The following JKAMP variants were observed in gnomAD, a reference collection of about 807,000 sequenced individuals.
The protein encoded by JKAMP is JNK1/MAPK8 associated membrane protein, also known as JNK1/MAPK8-associated membrane protein.
JKAMP carries 20 observed loss-of-function variants against 40.2 expected under a neutral mutation model. The ratio of observed to expected loss-of-function variants is 0.50; its 90% confidence interval spans 0.35 to 0.72. JKAMP has a LOEUF of 0.72. Among genes scored for constraint, JKAMP ranks in the 30% least tolerant of loss-of-function variants. The pLI is 0.01. For missense variants in JKAMP, 276 were observed against 373.0 expected (o/e 0.74, Z 2.14); for synonymous variants, 138 against 131.6 (o/e 1.05, Z -0.33).
At chr14:59,503,186 G>A (rs550952927) in intron 6 of JKAMP, among the ~76,000 whole-genome samples, 2 of 152,220 alleles carry the variant, frequency 1.3e-5, no homozygotes, top group South Asian at 4.1e-4. Context: ...CAGAAATGGG[G>A]ACCTAAAACG....
chr14:59,498,068 A>G (rs1050402962), intron 4 of JKAMP, among the ~76,000 whole-genome samples: 4 of 152,242 alleles, frequency 2.6e-5, no homozygotes, highest in African/African-American at 9.6e-5. Flanking sequence ...TACATTAAAA[A>G]TGGGACATTC....
intron 4 of JKAMP, among the ~76,000 whole-genome samples, chr14:59,497,534 G>C (rs1891540366): frequency 6.6e-6 from 1 of 152,114 alleles, no homozygotes; most frequent in Non-Finnish European, 1.5e-5. Flanking sequence ...GAAATGGACA[G>C]ATTTTTTTTC....
chr14:59,505,358 C>T lies in JKAMP; in HGVS notation c.*1286C>T. 9.0e-7 allele frequency: 1 copy of T among 1,114,740 alleles called. No individual in the cohort carries two copies. Among genetic ancestry groups the T allele is most frequent in the East Asian group, 2.6e-5 (1 of 38,378 alleles). 69.1% of individuals were successfully genotyped at this position (1,114,740 alleles called of 1,614,324 possible). A position where few individuals can be genotyped will look rare whatever the true frequency, so the allele number is the denominator to read the frequency against. On this transcript the variant is annotated 3_prime_UTR_variant, in exon 7 of 7. Transcript: ENST00000616435. Reference sequence around the variant, plus strand: ...AAATATAAAAATTTTATTTGTATTGCACACATTTGGGGGGTTATTAGTGTT... The same window carrying T: ...AAATATAAAAATTTTATTTGTATTGTACACATTTGGGGGGTTATTAGTGTT...
intron 3 of JKAMP, among the ~76,000 whole-genome samples, chr14:59,494,439 G>GA (rs1048886247): frequency 6.6e-6 from 1 of 151,764 alleles, no homozygotes; most frequent in East Asian, 1.9e-4. Context: ...ATTTTGAGTA[G>GA]AAAAAAAATC....
In JKAMP at chr14:59,484,527, T is replaced by A; in HGVS notation, c.-63T>A. 13 of 1,553,424 alleles carry A rather than the reference T, an allele frequency of 8.4e-6. No homozygotes were observed. Among genetic ancestry groups the A allele is most frequent in the Non-Finnish European group, 1.1e-5 (13 of 1,147,042 alleles). ...GCCGCCGAGCTCGCTGTGGCCCGGATGTTCGGTGCAGCTGCCAGATCCGCT... is the reference window on the plus strand; with the variant it reads ...GCCGCCGAGCTCGCTGTGGCCCGGAAGTTCGGTGCAGCTGCCAGATCCGCT... On this transcript the variant is annotated 5_prime_UTR_variant, in exon 1 of 7. The change abolishes an upstream ATG in the 5' untranslated region. Coordinates refer to ENST00000616435, the MANE Select transcript of JKAMP (RefSeq NM_016475.5).
chr14:59,503,794 C>A, intron 6 of JKAMP, 60 bp from the exon 7 acceptor site: 1 of 977,044 alleles, frequency 1.0e-6, no homozygotes, highest in Non-Finnish European at 1.6e-6. Flanking sequence ...ATTAAATTAC[C>A]CAGCTGACTT....
chr14:59,488,324 CATA>C (rs1468366339), intron 3 of JKAMP, among the ~76,000 whole-genome samples: 1 of 152,012 alleles, frequency 6.6e-6, no homozygotes, highest in East Asian at 1.9e-4. Context: ...GGCTTATAGT[CATA>C]ATCTTGTGGA....
At chr14:59,492,258 A>G (rs1891074642) in intron 3 of JKAMP, among the ~76,000 whole-genome samples, 1 of 152,230 alleles carries the variant, frequency 6.6e-6, no homozygotes, top group African/African-American at 2.4e-5. Flanking sequence ...CAAAATAAAA[A>G]AAAAGGTAGT....
chr14:59,497,435 A>G (rs1891534981), intron 4 of JKAMP, among the ~76,000 whole-genome samples: 2 of 152,158 alleles, frequency 1.3e-5, no homozygotes, highest in Non-Finnish European at 2.9e-5. Flanking sequence ...TCCAGAAACT[A>G]GTTTCCTAGT....
chr14:59,497,397 G>C (rs1443049340), intron 4 of JKAMP, among the ~76,000 whole-genome samples: 1 of 152,160 alleles, frequency 6.6e-6, no homozygotes, highest in East Asian at 1.9e-4. Flanking sequence ...TCTTCTGGTG[G>C]AAGGCAGGAG....
chr14:59,501,277 CT>C lies in JKAMP; in HGVS notation c.717+17del. On this transcript the variant is annotated intron_variant, in intron 6 of 6. Transcript: ENST00000616435. ...TGCTTCTGAAATAGAGGTAGGAAGT[CT>C]TTTTTTCCTTTGTTAAAGACTTTTT... The C allele has an allele frequency of 9.7e-6, 15 of 1,541,256 alleles. No individual in the cohort carries two copies. Among genetic ancestry groups the C allele is most frequent in the Admixed American group, 1.7e-5 (1 of 57,156 alleles).
intron 5 of JKAMP, 185 bp from the exon 6 acceptor site, chr14:59,501,006 A>T: frequency 1.8e-6 from 1 of 540,810 alleles, no homozygotes; most frequent in East Asian, 3.2e-5. Context: ...GGCTGAAACT[A>T]TTTACTATCT....
chr14:59,503,063 T>G (rs941797271), intron 6 of JKAMP, among the ~76,000 whole-genome samples: 1 of 152,040 alleles, frequency 6.6e-6, no homozygotes, highest in African/African-American at 2.4e-5. Context: ...TTTTTACAGC[T>G]TATCCATAGT....
At chr14:59,500,593 A>G (rs1891802860) in intron 5 of JKAMP, among the ~76,000 whole-genome samples, 2 of 152,186 alleles carry the variant, frequency 1.3e-5, no homozygotes, top group African/African-American at 2.4e-5. Flanking sequence ...TTTTCTAAAG[A>G]TTAATTAAAG....
Position 59,505,321 on chromosome 14 carries a change from G to T in JKAMP, c.*1249G>T. 1.4e-6 allele frequency: 2 copies of T among 1,440,062 alleles called. No individual in the cohort carries two copies. The highest frequency in any genetic ancestry group is 1.9e-6 in the Non-Finnish European group (2 of 1,078,898). The allele number at this position is 1,440,062 out of a possible 1,614,324, so 89.2% of individuals were successfully genotyped here. On this transcript the variant is annotated 3_prime_UTR_variant, in exon 7 of 7. Transcript: ENST00000616435. ...ACGAATGTGTTTCTTCTTCTCTGTA[G>T]GAATAAAAAATAAATATAAAAATTT...
intron 5 of JKAMP, among the ~76,000 whole-genome samples, chr14:59,500,484 AGTATTACT>A (rs902429711): frequency 3.3e-5 from 5 of 152,336 alleles, no homozygotes; most frequent in African/African-American, 1.2e-4. Context: ...ATTTGCTTAA[AGTATTACT>A]GTACTGTATT....
rs13704 is a variant in JKAMP at position 59,504,337 on chromosome 14, G to C, written c.*265G>C. 1 of 408,118 alleles carries C rather than the reference G, an allele frequency of 2.5e-6. No individual in the cohort carries two copies. Among genetic ancestry groups the C allele is most frequent in the Middle Eastern group, 6.5e-4 (1 of 1,530 alleles). 25.3% of individuals were successfully genotyped at this position (408,118 alleles called of 1,614,324 possible). A position where few individuals can be genotyped will look rare whatever the true frequency, so the allele number is the denominator to read the frequency against. On this transcript the variant is annotated 3_prime_UTR_variant, in exon 7 of 7. Coordinates refer to ENST00000616435, the MANE Select transcript of JKAMP (RefSeq NM_016475.5). Reference sequence around the variant, plus strand: ...AGCCCTTGCTTCTCTCAACAGTTCAGCTGTTCTTTAGGGCAAAATCATGTT... The same window carrying C: ...AGCCCTTGCTTCTCTCAACAGTTCACCTGTTCTTTAGGGCAAAATCATGTT...
chr14:59,484,704 G>A, intron 1 of JKAMP, 111 bp downstream of exon 1: 1 of 1,358,016 alleles, frequency 7.4e-7, no homozygotes, highest in Non-Finnish European at 1.0e-6. Flanking sequence ...GGCGGCGCAG[G>A]CTCGCCCCTT....
chr14:59,490,728 G>GT (rs1160347170), intron 3 of JKAMP, among the ~76,000 whole-genome samples: 1 of 152,192 alleles, frequency 6.6e-6, no homozygotes, highest in African/African-American at 2.4e-5. Context: ...CTTTCATCCA[G>GT]TTTTTAATTT....
Sources: gnomAD v4.1 joint callset for allele counts (sites outside exome capture counted in the v4.1 genomes callset) on GRCh38, gnomAD v4.1.1 for gene constraint, MANE v1.5 for transcripts, NCBI Gene and HGNC (gene_info 2026-07-23, HGNC 2026-07-21) for gene names.